ERBIN: variants seen among roughly 807,000 people sequenced by gnomAD.
ERBIN encodes erbb2 interacting protein.
A neutral mutation model predicts 158.4 loss-of-function variants in ERBIN; 60 were observed. The observed-to-expected ratio is 0.38, with a 90% confidence interval of 0.31 to 0.47. ERBIN has a LOEUF of 0.47. Among genes scored for constraint, ERBIN ranks in the 20% least tolerant of loss-of-function variants. ERBIN has a pLI of 0.99. For synonymous variants in ERBIN, 594 were observed against 557.2 expected, an observed-to-expected ratio of 1.07 and a Z score of -0.93; for missense variants, 1,610 against 1,648.0, an observed-to-expected ratio of 0.98 and a Z score of 0.40.
chr5:65,983,139 C>T (rs1041221257), intron 1 of ERBIN, among the ~76,000 whole-genome samples: 1 of 152,160 alleles, frequency 6.6e-6, no homozygotes, highest in African/African-American at 2.4e-5. Context: ...CATTTTTAGA[C>T]ATGTTTAGGC....
rs1281336363 is a variant in ERBIN at position 66,018,479 on chromosome 5, ATTATATATTAT to A, written c.534-2842_534-2832del. On this transcript the variant is annotated intron_variant, in intron 7 of 25. Transcript: ENST00000284037. ...TTATATTATATAATATATATTATAT[ATTATATATTAT>A]ATTATATAATATATATTATATATTA... is the stretch of plus-strand genomic sequence containing the variant. Among the ~76,000 whole-genome samples, 16 of 4,902 alleles carry A rather than the reference ATTATATATTAT, an allele frequency of 3.3e-3. 5 individuals are homozygous for A. Among genetic ancestry groups the A allele is most frequent in the African/African-American group, 9.3e-3 (16 of 1,714 alleles). The allele number at this position is 4,902 out of a possible 152,430, so 3.2% of individuals were successfully genotyped here.
chr5:66,009,703 T>A (rs911551845), intron 4 of ERBIN, among the ~76,000 whole-genome samples: 3 of 152,182 alleles, frequency 2.0e-5, no homozygotes, highest in Non-Finnish European at 2.9e-5. Flanking sequence ...AGGCTTGGAA[T>A]AGGATTGCCA....
At chr5:66,024,284 G>C in intron 9 of ERBIN, 22 bp from the exon 10 acceptor site, 7 of 1,426,806 alleles carry the variant, frequency 4.9e-6, no homozygotes, top group Non-Finnish European at 5.7e-6. Context: ...AGAGTCATTA[G>C]ATTTTCTTTT....
intron 1 of ERBIN, among the ~76,000 whole-genome samples, chr5:65,971,447 A>C (rs1749235072): frequency 6.6e-6 from 1 of 152,170 alleles, no homozygotes; most frequent in Admixed American, 6.5e-5. Flanking sequence ...GAACTTTCAG[A>C]TATCAGCTCA....
intron 4 of ERBIN, among the ~76,000 whole-genome samples, chr5:66,000,274 G>A (rs1561355152): frequency 6.6e-6 from 1 of 152,134 alleles, no homozygotes; most frequent in South Asian, 2.1e-4. Flanking sequence ...TCATGAAAAT[G>A]GATTAACCTC....
At chr5:66,075,293 CTTAA>C (rs1761885551) in intron 23 of ERBIN, 63 bp downstream of exon 23, 1 of 1,298,386 alleles carries the variant, frequency 7.7e-7, no homozygotes, top group Non-Finnish European at 1.1e-6. Context: ...TTATAGGTTA[CTTAA>C]TTATTAGTAA....
intron 13 of ERBIN, among the ~76,000 whole-genome samples, 158 bp downstream of exon 13, chr5:66,026,575 T>C (rs1756279385): frequency 6.6e-6 from 1 of 151,936 alleles, no homozygotes; most frequent in Non-Finnish European, 1.5e-5. Flanking sequence ...AAGTGTGACT[T>C]TCAGTGAAAC....
At chr5:65,973,133 C>G (rs895144342) in intron 1 of ERBIN, among the ~76,000 whole-genome samples, 7 of 150,788 alleles carry the variant, frequency 4.6e-5, no homozygotes, top group Admixed American at 4.6e-4. Context: ...AGCTGGAAAC[C>G]AACATTCTCA....
At chr5:65,998,253 T>G (rs891420756) in intron 4 of ERBIN, among the ~76,000 whole-genome samples, 1 of 148,938 alleles carries the variant, frequency 6.7e-6, no homozygotes, top group African/African-American at 2.4e-5. Flanking sequence ...TAGATATATA[T>G]ATATATTTAT....
chr5:65,929,255 A>G, intron 1 of ERBIN, among the ~76,000 whole-genome samples: 1 of 152,250 alleles, frequency 6.6e-6, no homozygotes. Context: ...TTGCACTATT[A>G]GTAGTAAATA....
rs1472166989 is a variant in ERBIN at position 65,941,006 on chromosome 5, G to T, written c.-58+14200G>T. On this transcript the variant is annotated intron_variant, in intron 1 of 25. Coordinates refer to ENST00000284037, the MANE Select transcript of ERBIN (RefSeq NM_001253697.2). ...CTTCTGCCTTGTGATCCTGTTGATCGGTGACCCTACCCCCAACCCTGTGCT... is the reference window on the plus strand; with the variant it reads ...CTTCTGCCTTGTGATCCTGTTGATCTGTGACCCTACCCCCAACCCTGTGCT... 3.3e-5 allele frequency among the ~76,000 whole-genome samples: 5 copies of T among 152,158 alleles called. No individual in the cohort carries two copies. The East Asian group carries it at 5.8e-4, about 18-fold the overall frequency.
intron 1 of ERBIN, among the ~76,000 whole-genome samples, chr5:65,945,917 A>C (rs1001322454): frequency 1.3e-5 from 2 of 152,196 alleles, no homozygotes; most frequent in Admixed American, 1.3e-4. Context: ...CACAACCAGG[A>C]TATTGGAATT....
chr5:65,938,371 CTTTTT>C (rs4019046), intron 1 of ERBIN, among the ~76,000 whole-genome samples: 5 of 121,636 alleles, frequency 4.1e-5, no homozygotes, highest in Admixed American at 1.6e-4. Flanking sequence ...AGGCATAGGT[CTTTTT>C]TTTTTTTTTT....
intron 23 of ERBIN, 132 bp from the exon 24 acceptor site, chr5:66,076,183 CA>C (rs1446454048): frequency 1.5e-6 from 1 of 667,746 alleles, no homozygotes; most frequent in Non-Finnish European, 2.5e-6. Context: ...TTCATCTGAC[CA>C]AATATTTATT....
At chr5:65,976,628 A>G (rs1248439538) in intron 1 of ERBIN, among the ~76,000 whole-genome samples, 1 of 151,192 alleles carries the variant, frequency 6.6e-6, no homozygotes, top group South Asian at 2.1e-4. Flanking sequence ...CAAGTGAACA[A>G]AGGTCTCTGG....
At chr5:66,075,744 A>C (rs1282609401) in intron 23 of ERBIN, among the ~76,000 whole-genome samples, 1 of 152,172 alleles carries the variant, frequency 6.6e-6, no homozygotes, top group African/African-American at 2.4e-5. Flanking sequence ...CTCTGGTGAA[A>C]GGGAGTGTTT....
intron 1 of ERBIN, among the ~76,000 whole-genome samples, chr5:65,975,792 T>C (rs774526522): frequency 6.6e-6 from 1 of 152,156 alleles, no homozygotes; most frequent in Non-Finnish European, 1.5e-5. Context: ...TAGAGAGAGA[T>C]GTGGTTTCAG....
rs570084607 is a variant in ERBIN at position 66,025,823 on chromosome 5, A to G, written c.891-25A>G. Reference sequence around the variant, plus strand: ...ATATAGGAAATCTTTAACAAATAATATATATTTCTTTTTTTAAATTAAAGG... The same window carrying G: ...ATATAGGAAATCTTTAACAAATAATGTATATTTCTTTTTTTAAATTAAAGG... On this transcript the variant is annotated intron_variant, in intron 11 of 25. Coordinates refer to ENST00000284037, the MANE Select transcript of ERBIN (RefSeq NM_001253697.2). 44 of 1,323,330 alleles carry G rather than the reference A, an allele frequency of 3.3e-5. No individual in the cohort carries two copies. The East Asian group carries it at 5.1e-4, about 15-fold the overall frequency. The allele number at this position is 1,323,330 out of a possible 1,614,324, so 82.0% of individuals were successfully genotyped here. A position where few individuals can be genotyped will look rare whatever the true frequency, so the allele number is the denominator to read the frequency against.
Position 66,054,874 on chromosome 5 carries a change from C to T in ERBIN, c.3556C>T (p.Pro1186Ser). 1 of 1,613,938 alleles carries T rather than the reference C, an allele frequency of 6.2e-7. No homozygotes were observed. The highest frequency in any genetic ancestry group is 8.5e-7 in the Non-Finnish European group (1 of 1,179,936). The change falls in exon 21 of 26, where the codon CCT (proline) becomes TCT (serine). Residue 1186 changes from proline to serine, a missense_variant. By Grantham distance (74) the Pro-to-Ser change is moderately conservative. Transcript: ENST00000284037. ...TGGTTCTGAGCATTCTTTATTAGAT[C>T]CTCCAGGAAAAAGTAAAGTTCCTCG... is the stretch of plus-strand genomic sequence containing the variant. ...RVGSEHSLLDPPGKSKVPRDW... is the reference protein window; with the variant it reads ...RVGSEHSLLDSPGKSKVPRDW...
Sources: gnomAD v4.1 joint callset for allele counts (sites outside exome capture counted in the v4.1 genomes callset) on GRCh38, gnomAD v4.1.1 for gene constraint, MANE v1.5 for transcripts, NCBI Gene and HGNC (gene_info 2026-07-23, HGNC 2026-07-21) for gene names.